Variants in SPTLC1 observed in about 807,000 individuals in gnomAD.
The protein encoded by SPTLC1 is serine palmitoyltransferase 1.
SPTLC1 carries 55 observed loss-of-function variants against 68.9 expected under a neutral mutation model. The observed-to-expected ratio is 0.80, with a 90% CI of 0.64 to 1.00. The LOEUF (loss-of-function observed/expected upper bound fraction) is 1.00. SPTLC1 is among the 50% of genes least tolerant of loss of function. The pLI is 0.00. For synonymous variants in SPTLC1, 197 were observed against 201.6 expected, an observed-to-expected ratio of 0.98 and a Z score of 0.19; for missense variants, 449 against 573.1, an observed-to-expected ratio of 0.78 and a Z score of 2.21.
intron 3 of SPTLC1, among the ~76,000 whole-genome samples, chr9:92,088,237 T>C (rs777208837): frequency 6.6e-6 from 1 of 152,248 alleles, no homozygotes; most frequent in Non-Finnish European, 1.5e-5. Context: ...AGCTCGCACA[T>C]GGTGCGCTGC....
rs764997429 is a variant in SPTLC1, at chr9:92,115,283, GGTCGCGGACCGCTAAT to G, written c.57+15_57+30del. 2 of 1,609,666 alleles carry G rather than the reference GGTCGCGGACCGCTAAT, an allele frequency of 1.2e-6. No homozygotes were observed. Among genetic ancestry groups the G allele is most frequent in the South Asian group, 2.2e-5 (2 of 90,970 alleles). ...TCCCACCCTCCCCGGGCCCGGGTGT[GGTCGCGGACCGCTAAT>G]GGCGCGGAGCCCACCTCGTAAAGCG... On this transcript the variant is annotated intron_variant, in intron 1 of 14. Coordinates refer to ENST00000262554, the MANE Select transcript of SPTLC1 (RefSeq NM_006415.4).
intron 10 of SPTLC1, 117 bp from the exon 11 acceptor site, chr9:92,047,385 T>C: frequency 1.1e-6 from 1 of 878,420 alleles, no homozygotes; most frequent in Non-Finnish European, 1.9e-6. Flanking sequence ...GTGAGGGGGG[T>C]AAGATCCAGC....
chr9:92,108,079 T>C (rs1836072975), intron 3 of SPTLC1: 1 of 152,370 alleles, frequency 6.6e-6, no homozygotes, highest in African/African-American at 2.4e-5. Flanking sequence ...CCTGTAAAAG[T>C]AAGTTTGAAT....
chr9:92,091,750 A>G (rs374348792), intron 3 of SPTLC1, among the ~76,000 whole-genome samples: 31 of 152,354 alleles, frequency 2.0e-4, no homozygotes, highest in African/African-American at 7.2e-4. Flanking sequence ...TAAACAGATT[A>G]AACTCCTCAG....
chr9:92,075,419 G>A (rs778167543), intron 5 of SPTLC1, among the ~76,000 whole-genome samples: 2 of 151,744 alleles, frequency 1.3e-5, no homozygotes, highest in Non-Finnish European at 2.9e-5. Context: ...TCCTTCCCTC[G>A]CCCCTCCTTT....
intron 7 of SPTLC1, among the ~76,000 whole-genome samples, chr9:92,055,835 G>A (rs1833869045): frequency 1.3e-5 from 2 of 152,188 alleles, no homozygotes; most frequent in South Asian, 4.1e-4. Flanking sequence ...ACATCATAAT[G>A]GGGCTGACAT....
intron 6 of SPTLC1, among the ~76,000 whole-genome samples, chr9:92,062,632 C>T (rs992056572): frequency 2.0e-5 from 3 of 152,130 alleles, no homozygotes; most frequent in African/African-American, 7.2e-5. Context: ...AGTCCCCAAA[C>T]ACCTGAAAAG....
At chr9:92,059,103 A>C in intron 7 of SPTLC1, 76 bp downstream of exon 7, 1 of 1,553,356 alleles carries the variant, frequency 6.4e-7, no homozygotes, top group Non-Finnish European at 8.8e-7. Flanking sequence ...TTTCATGACA[A>C]ATTACCATTT....
chr9:92,103,905 C>G (rs573346388), intron 3 of SPTLC1, among the ~76,000 whole-genome samples: 1 of 152,204 alleles, frequency 6.6e-6, no homozygotes, highest in Admixed American at 6.5e-5. Context: ...CCCCAACAGC[C>G]CCACAGGGGG....
In SPTLC1 at chr9:92,073,747, T is replaced by C. The variant is rs1055898816; in HGVS notation, c.428-5649A>G. Reference sequence around the variant, plus strand: ...ACCCTGCCTTCAAGGTGTTCAATAATAGGGAAGAGGCTGCCAGGCGGCAGC... The same window carrying C: ...ACCCTGCCTTCAAGGTGTTCAATAACAGGGAAGAGGCTGCCAGGCGGCAGC... On this transcript the variant is annotated intron_variant, in intron 5 of 14. Coordinates refer to ENST00000262554, the MANE Select transcript of SPTLC1 (RefSeq NM_006415.4). Among the ~76,000 whole-genome samples, 4 of 152,296 alleles carry C rather than the reference T, an allele frequency of 2.6e-5. No individual in the cohort carries two copies. The South Asian group carries it at 8.3e-4, about 32-fold the overall frequency.
At chr9:92,046,093 TATGATA>T (rs751116177) in intron 11 of SPTLC1, 40 bp from the exon 12 acceptor site, 482 of 1,523,416 alleles carry the variant, frequency 3.2e-4, no homozygotes, top group Non-Finnish European at 4.0e-4. Flanking sequence ...ATTTGAAACT[TATGATA>T]GTACTAACCT....
rs144581301 is a variant in SPTLC1, at chr9:92,099,664, T to C, written c.260+9076A>G. On this transcript the variant is annotated intron_variant, in intron 3 of 14. Transcript: ENST00000262554. ...CCACCTAATTTTTTGGATTCTTTGGTAGAGAAGGGGTTTTGTCATGTTGCC... is the reference window on the plus strand; with the variant it reads ...CCACCTAATTTTTTGGATTCTTTGGCAGAGAAGGGGTTTTGTCATGTTGCC... 2.8e-3 allele frequency among the ~76,000 whole-genome samples: 422 copies of C among 152,132 alleles called. 5 individuals carry two copies. Among genetic ancestry groups the C allele is most frequent in the African/African-American group, 9.6e-3 (399 of 41,510 alleles).
intron 7 of SPTLC1, among the ~76,000 whole-genome samples, 183 bp from the exon 8 acceptor site, chr9:92,055,677 C>T (rs76723955): frequency 0.012 from 1,761 of 152,252 alleles, 33 homozygotes; most frequent in African/African-American, 0.04. Context: ...TTCTCTCAGA[C>T]GTTTTTCAGC....
At chr9:92,105,366 G>T in intron 3 of SPTLC1, 1 of 1,516,782 alleles carries the variant, frequency 6.6e-7, no homozygotes, top group South Asian at 1.2e-5. Flanking sequence ...TTGTTAAGTA[G>T]AACATCAAAA....
At chr9:92,053,334 G>A (rs763130460) in intron 8 of SPTLC1, among the ~76,000 whole-genome samples, 11 of 152,282 alleles carry the variant, frequency 7.2e-5, no homozygotes, top group East Asian at 3.9e-4. Flanking sequence ...TGGTGCAATC[G>A]CTGTTGAAAA....
At chr9:92,084,604 G>A (rs945143276) in intron 3 of SPTLC1, among the ~76,000 whole-genome samples, 115 of 152,210 alleles carry the variant, frequency 7.6e-4, no homozygotes, top group African/African-American at 2.7e-3. Flanking sequence ...CTTGATCATG[G>A]TGGACAAGCT....
At chr9:92,064,144 C>T (rs1327129194) in intron 6 of SPTLC1, among the ~76,000 whole-genome samples, 1 of 152,138 alleles carries the variant, frequency 6.6e-6, no homozygotes, top group African/African-American at 2.4e-5. Context: ...GTGAGTTTGG[C>T]AAGGTTGCAG....
In SPTLC1 at chr9:92,113,528, G is replaced by A. The variant is rs117419755; in HGVS notation, c.58-966C>T. 6.5e-3 allele frequency among the ~76,000 whole-genome samples: 983 copies of A among 152,236 alleles called. 8 individuals carry two copies. The highest frequency in any genetic ancestry group is 0.01 in the Non-Finnish European group (686 of 68,022). ...AAGTCTCACTGTTGGACAGTTTCGG[G>A]GAATGAGAAGTTACACTACTGTCAG... On this transcript the variant is annotated intron_variant, in intron 1 of 14. Transcript: ENST00000262554.
rs779036328 is a variant in SPTLC1 at position 92,038,324 on chromosome 9, G to T, written c.1178C>A (p.Ala393Asp). The change falls in exon 13 of 15, where the codon GCC becomes GAC. Residue 393 changes from alanine to aspartate, a missense_variant. Coordinates refer to ENST00000262554, the MANE Select transcript of SPTLC1 (RefSeq NM_006415.4). ...LKVVGESLSP[A>D]FHLQLEESTG... ...GCTCTCTTCCAGTTGTAGGTGAAAG[G>T]CTGGAGAAAGGGACTCCCCCACCAC... is the stretch of plus-strand genomic sequence containing the variant. 8 of 1,614,072 alleles carry T rather than the reference G, an allele frequency of 5.0e-6. No individual in the cohort carries two copies. The South Asian group carries it at 7.7e-5, about 16-fold the overall frequency.
Sources: allele counts gnomAD v4.1 joint callset (sites outside exome capture counted in the v4.1 genomes callset), GRCh38; gene constraint gnomAD v4.1.1; transcripts MANE v1.5; gene names NCBI Gene and HGNC (gene_info 2026-07-23, HGNC 2026-07-21).